The following SMAD2 variants were observed in gnomAD, a reference collection of about 807,000 sequenced individuals.
SMAD2 encodes SMAD family member 2.
SMAD2 carries 8 observed loss-of-function variants against 64.4 expected under a neutral mutation model. That is an observed-to-expected ratio of 0.12 (90% CI 0.07 to 0.22). SMAD2 has a LOEUF of 0.22. Ranked by LOEUF, SMAD2 falls within the 10% of genes least tolerant of loss-of-function variation. SMAD2 has a pLI of 1.00. For missense variants in SMAD2, 289 were observed against 561.2 expected (o/e 0.51, Z 4.90); for synonymous variants, 203 against 195.8 (o/e 1.04, Z -0.31).
chr18:47,870,807 C>T (rs1021005717), intron 2 of SMAD2, among the ~76,000 whole-genome samples: 9 of 152,120 alleles, frequency 5.9e-5, no homozygotes, highest in Admixed American at 3.3e-4. Flanking sequence ...TGAACACCAA[C>T]GCCCTCTAGC....
intron 2 of SMAD2, among the ~76,000 whole-genome samples, chr18:47,883,047 G>A (rs1038483777): frequency 5.9e-5 from 9 of 151,970 alleles, no homozygotes; most frequent in African/African-American, 1.7e-4. Context: ...CAAAGAACTC[G>A]CTTTTGGCTT....
chr18:47,862,580 G>A (rs1157013549), intron 6 of SMAD2, among the ~76,000 whole-genome samples: 3 of 152,164 alleles, frequency 2.0e-5, no homozygotes, highest in Admixed American at 6.5e-5. Context: ...AGGGCCCATC[G>A]TACTTCAGTA....
chr18:47,867,657 CAA>C (rs530649435), intron 5 of SMAD2, among the ~76,000 whole-genome samples: 24 of 94,756 alleles, frequency 2.5e-4, no homozygotes, highest in East Asian at 2.9e-4. Flanking sequence ...AGTTGTTCTC[CAA>C]AAAAAAAAAA....
chr18:47,877,054 A>G (rs779364166), intron 2 of SMAD2, among the ~76,000 whole-genome samples: 41 of 152,120 alleles, frequency 2.7e-4, no homozygotes, highest in Admixed American at 1.3e-4. Context: ...TGTTCCTACC[A>G]TATCTGCAAG....
At position 47,821,622 on chromosome 18, in the gene SMAD2, C is replaced by T. The variant is rs1018014102; in HGVS notation, c.*20205G>A. 1 of 152,210 alleles carries T rather than the reference C, an allele frequency of 6.6e-6. No individual in the cohort carries two copies. Among genetic ancestry groups the T allele is most frequent in the Admixed American group, 6.5e-5 (1 of 15,276 alleles). 9.4% of individuals were successfully genotyped at this position (152,210 alleles called of 1,614,324 possible). A position where few individuals can be genotyped will look rare whatever the true frequency, so the allele number is the denominator to read the frequency against. On this transcript the variant is annotated 3_prime_UTR_variant, in exon 11 of 11. Transcript: ENST00000262160. Reference sequence around the variant, plus strand: ...TGATTAAATTCAAGTACCTTTTCATCAGATTCAACTTTCAGTATATCCAAA... The same window carrying T: ...TGATTAAATTCAAGTACCTTTTCATTAGATTCAACTTTCAGTATATCCAAA...
rs971319940 is a variant in SMAD2, at chr18:47,809,005, G to A, written c.*32822C>T. ...TTACCAACACCAAACAGCACCTCAGGTGGTAGTCAACTAAGTAATTCCTGG... is the reference window on the plus strand; with the variant it reads ...TTACCAACACCAAACAGCACCTCAGATGGTAGTCAACTAAGTAATTCCTGG... On this transcript the variant is annotated 3_prime_UTR_variant, in exon 11 of 11. Transcript: ENST00000262160. 6.6e-6 allele frequency: 1 copy of A among 152,190 alleles called. No individual in the cohort carries two copies. Among genetic ancestry groups the A allele is most frequent in the African/African-American group, 2.4e-5 (1 of 41,450 alleles). 9.4% of individuals were successfully genotyped at this position (152,190 alleles called of 1,614,324 possible). A position where few individuals can be genotyped will look rare whatever the true frequency, so the allele number is the denominator to read the frequency against.
intron 1 of SMAD2, among the ~76,000 whole-genome samples, chr18:47,915,567 TA>T (rs1042162677): frequency 1.3e-5 from 2 of 152,118 alleles, no homozygotes; most frequent in Non-Finnish European, 2.9e-5. Context: ...TCAAACTTTT[TA>T]ACCAAAAAAA....
At chr18:47,860,530 G>T (rs1318339016) in intron 6 of SMAD2, among the ~76,000 whole-genome samples, 3 of 152,046 alleles carry the variant, frequency 2.0e-5, no homozygotes, top group African/African-American at 7.2e-5. Context: ...CAATTCTCCA[G>T]CATTGGCCTC....
chr18:47,900,309 A>G (rs148758727), intron 1 of SMAD2, among the ~76,000 whole-genome samples: 308 of 152,274 alleles, frequency 2.0e-3, no homozygotes, highest in Non-Finnish European at 3.1e-3. Context: ...CAAGTACTCA[A>G]TAGCTACACA....
In SMAD2 at chr18:47,820,506, G is replaced by A. The variant is rs1912530858; in HGVS notation, c.*21321C>T. The stretch of plus-strand genomic sequence containing the variant: ...ACAGAAAGGAACCACTAAGTAGGAG[G>A]AGGAGAGAAATATGAAGGAAGTTAA... On this transcript the variant is annotated 3_prime_UTR_variant, in exon 11 of 11. Transcript: ENST00000262160. 6.6e-6 allele frequency: 1 copy of A among 152,182 alleles called. No individual in the cohort carries two copies. Among genetic ancestry groups the A allele is most frequent in the Non-Finnish European group, 1.5e-5 (1 of 68,018 alleles). The allele number at this position is 152,182 out of a possible 1,614,324, so 9.4% of individuals were successfully genotyped here.
rs1913209195 is a variant in SMAD2, at chr18:47,834,379, GAA to G, written c.*7446_*7447del. 4.8e-6 allele frequency: 1 copy of G among 207,826 alleles called. No individual in the cohort carries two copies. Among genetic ancestry groups the G allele is most frequent in the Non-Finnish European group, 9.8e-6 (1 of 102,080 alleles). 12.9% of individuals were successfully genotyped at this position (207,826 alleles called of 1,614,324 possible). A position where few individuals can be genotyped will look rare whatever the true frequency, so the allele number is the denominator to read the frequency against. The stretch of plus-strand genomic sequence containing the variant: ...AAGGCCTCTGATGTGCTACTTATCA[GAA>G]AAATCCACATATATACAAAACTCTG... On this transcript the variant is annotated 3_prime_UTR_variant, in exon 11 of 11. Transcript: ENST00000262160.
At chr18:47,901,898 G>A (rs191715815) in intron 1 of SMAD2, among the ~76,000 whole-genome samples, 161 of 152,266 alleles carry the variant, frequency 1.1e-3, no homozygotes, top group African/African-American at 3.7e-3. Flanking sequence ...GTCTACGGGG[G>A]AAGAAACTGG....
At chr18:47,897,177 T>C (rs866329438) in intron 1 of SMAD2, among the ~76,000 whole-genome samples, 12 of 152,296 alleles carry the variant, frequency 7.9e-5, no homozygotes, top group Middle Eastern at 3.4e-3. Flanking sequence ...CTCAAAAGAC[T>C]ATACAAAAAT....
At chr18:47,923,113 T>C (rs1321800689) in intron 1 of SMAD2, among the ~76,000 whole-genome samples, 1 of 149,560 alleles carries the variant, frequency 6.7e-6, no homozygotes, top group East Asian at 1.9e-4. Context: ...TTTTGTGGAA[T>C]CCACAACTCT....
intron 1 of SMAD2, among the ~76,000 whole-genome samples, chr18:47,898,174 T>C (rs2033522968): frequency 6.6e-6 from 1 of 152,210 alleles, no homozygotes; most frequent in Non-Finnish European, 1.5e-5. Flanking sequence ...TTAAAATACC[T>C]ACTGCTGGAG....
At chr18:47,925,668 C>T (rs1368696074) in intron 1 of SMAD2, among the ~76,000 whole-genome samples, 2 of 152,084 alleles carry the variant, frequency 1.3e-5, no homozygotes, top group African/African-American at 2.4e-5. Flanking sequence ...AAGCAATAAG[C>T]CTCTAACTAT....
At position 47,930,588 on chromosome 18, in the gene SMAD2, G is replaced by A. The variant is rs1245736111; in HGVS notation, c.-281C>T. 7 of 150,122 alleles carry A rather than the reference G, an allele frequency of 4.7e-5. No individual in the cohort carries two copies. In the South Asian group the frequency reaches 8.4e-4, roughly 18 times the overall value. The allele number at this position is 150,122 out of a possible 1,614,324, so 9.3% of individuals were successfully genotyped here. ...GGTAGGGGAAGAGAGGGGAGGGGAG[G>A]GGAGGAGAGGGAAGGGGAGGGGAGG... On this transcript the variant is annotated 5_prime_UTR_variant, in exon 1 of 11. Transcript: ENST00000262160.
chr18:47,927,966 C>T (rs1409359499), intron 1 of SMAD2, among the ~76,000 whole-genome samples: 1 of 152,124 alleles, frequency 6.6e-6, no homozygotes, highest in African/African-American at 2.4e-5. Context: ...GTTGTGAATT[C>T]CTTACGTTTC....
At chr18:47,842,024 C>A in intron 10 of SMAD2, 74 bp from the exon 11 acceptor site, 13 of 1,494,324 alleles carry the variant, frequency 8.7e-6, no homozygotes, top group African/African-American at 1.4e-5. Flanking sequence ...TGTTTAGGTA[C>A]ACTGCATTAA....
Sources: gnomAD v4.1 joint callset for allele counts (sites outside exome capture counted in the v4.1 genomes callset) on GRCh38, gnomAD v4.1.1 for gene constraint, MANE v1.5 for transcripts, NCBI Gene and HGNC (gene_info 2026-07-23, HGNC 2026-07-21) for gene names.